SLC35F4: variants seen among roughly 807,000 people sequenced by gnomAD.
SLC35F4 encodes solute carrier family 35 member F4, also known as chromosome 14 open reading frame 36.
SLC35F4 carries 24 observed loss-of-function variants against 44.2 expected under a neutral mutation model. The observed-to-expected ratio is 0.54, with a 90% confidence interval of 0.39 to 0.76. The LOEUF (loss-of-function observed/expected upper bound fraction) is 0.76. SLC35F4 is among the 30% of genes least tolerant of loss of function. SLC35F4 has a pLI of 0.00. For synonymous variants in SLC35F4, 238 were observed against 223.6 expected (o/e 1.06, Z -0.57); for missense variants, 562 against 586.1 (o/e 0.96, Z 0.42).
At chr14:57,866,704 G>A (rs1315452238), upstream of SLC35F4, among the ~76,000 whole-genome samples, 1 of 152,096 alleles carries the variant, frequency 6.6e-6, no homozygotes, top group Non-Finnish European at 1.5e-5. Context: ...GAGGAGAAAT[G>A]ATTTTCTCCT....
At position 57,741,388 on chromosome 14, in the gene SLC35F4, AC is replaced by A. The variant is rs1411250258; in HGVS notation, c.103+124334del. ...AACTAGAATAAACAGCCTAGAGAAG[AC>A]CTTAAATGACCTGATGGAGCTGAAA... On this transcript the variant is annotated intron_variant, in intron 1 of 7. Coordinates refer to ENST00000556826, the MANE Select transcript of SLC35F4 (RefSeq NM_001306087.2). Among the ~76,000 whole-genome samples the A allele has an allele frequency of 1.8e-4, 27 of 152,146 alleles. 1 individual carries two copies. Among genetic ancestry groups the A allele is most frequent in the Admixed American group, 1.8e-3 (27 of 15,266 alleles).
chr14:57,853,093 G>T, intron 1 of SLC35F4, among the ~76,000 whole-genome samples: 1 of 152,130 alleles, frequency 6.6e-6, no homozygotes, highest in East Asian at 1.9e-4. Context: ...CTGTTGTATT[G>T]CCCTATCTGA....
intron 1 of SLC35F4, among the ~76,000 whole-genome samples, chr14:57,946,116 C>G (rs746974197): frequency 1.5e-4 from 23 of 152,114 alleles, no homozygotes; most frequent in Non-Finnish European, 2.5e-4. Context: ...TGTACAGAAG[C>G]TTTTTAGTTT....
At chr14:57,717,418 C>T (rs1340141640) in intron 1 of SLC35F4, among the ~76,000 whole-genome samples, 3 of 152,096 alleles carry the variant, frequency 2.0e-5, no homozygotes, top group African/African-American at 7.2e-5. Context: ...AGGCGGATCA[C>T]GAGGTCAGGA....
intron 6 of SLC35F4, among the ~76,000 whole-genome samples, chr14:57,568,027 G>T (rs2139674999): frequency 6.6e-6 from 1 of 152,330 alleles, no homozygotes; most frequent in East Asian, 1.9e-4. Flanking sequence ...GAGAGGGACG[G>T]CAATAAACAC....
intron 1 of SLC35F4, among the ~76,000 whole-genome samples, chr14:57,652,100 C>G (rs977984658): frequency 6.6e-6 from 1 of 152,182 alleles, no homozygotes; most frequent in African/African-American, 2.4e-5. Flanking sequence ...GAGTCTCAGC[C>G]TGTAACATGA....
At chr14:57,858,257 A>G (rs1340342149) in intron 1 of SLC35F4, among the ~76,000 whole-genome samples, 1 of 152,050 alleles carries the variant, frequency 6.6e-6, no homozygotes, top group Admixed American at 6.5e-5. Flanking sequence ...ACTATTCACA[A>G]TAGCAAAGAC....
intron 1 of SLC35F4, among the ~76,000 whole-genome samples, chr14:57,806,072 C>T (rs1881282347): frequency 6.6e-6 from 1 of 152,180 alleles, no homozygotes; most frequent in African/African-American, 2.4e-5. Context: ...CTGGAAATTA[C>T]ATTTCCTAAA....
Position 57,919,549 on chromosome 14 carries a change from G to A in SLC35F4, n.282+62364C>T, listed in dbSNP as rs917190015. Among the ~76,000 whole-genome samples the A allele has an allele frequency of 5.3e-5, 8 of 152,262 alleles. No homozygotes were observed. In the South Asian group the frequency reaches 1.5e-3, roughly 28 times the overall value. The stretch of plus-strand genomic sequence containing the variant: ...GGAAAGCGGGGAAGAAAAAGCAGCT[G>A]TATTCTTCCACAGGCGAATCTGAGG... On this transcript the variant is annotated intron_variant and non_coding_transcript_variant, in intron 1 of 1. Transcript: ENST00000556568.
At chr14:57,694,986 C>T (rs888009858) in intron 1 of SLC35F4, among the ~76,000 whole-genome samples, 2 of 152,002 alleles carry the variant, frequency 1.3e-5, no homozygotes, top group South Asian at 2.1e-4. Context: ...ATTATTTATA[C>T]ATCCCTTCTT....
intron 4 of SLC35F4, among the ~76,000 whole-genome samples, chr14:57,575,660 G>A (rs753585422): frequency 5.3e-5 from 8 of 152,242 alleles, no homozygotes; most frequent in Non-Finnish European, 1.2e-4. Flanking sequence ...AGTCATTGAA[G>A]GAAGAGGATT....
chr14:57,844,156 C>G (rs1388268079), intron 1 of SLC35F4, among the ~76,000 whole-genome samples: 1 of 152,162 alleles, frequency 6.6e-6, no homozygotes, highest in Non-Finnish European at 1.5e-5. Flanking sequence ...ACCTACTGAT[C>G]TTATTAATGA....
chr14:57,726,551 C>T (rs754086771), intron 1 of SLC35F4, among the ~76,000 whole-genome samples: 8 of 152,150 alleles, frequency 5.3e-5, no homozygotes, highest in Non-Finnish European at 1.2e-4. Flanking sequence ...TTCATATCAG[C>T]ATTTAAGTAT....
intron 1 of SLC35F4, among the ~76,000 whole-genome samples, chr14:57,883,420 G>A (rs553615173): frequency 6.6e-6 from 1 of 152,254 alleles, no homozygotes; most frequent in South Asian, 2.1e-4. Flanking sequence ...TCACGCAAAC[G>A]AAGTTAACAT....
At chr14:57,804,651 C>A (rs188494406) in intron 1 of SLC35F4, among the ~76,000 whole-genome samples, 6 of 152,082 alleles carry the variant, frequency 3.9e-5, no homozygotes, top group Admixed American at 3.3e-4. Context: ...ATGTAAAACC[C>A]AAAACTATAA....
At chr14:57,678,734 T>C (rs1019960368) in intron 1 of SLC35F4, among the ~76,000 whole-genome samples, 1 of 150,258 alleles carries the variant, frequency 6.7e-6, no homozygotes, top group African/African-American at 2.4e-5. Flanking sequence ...TCCTAGTCTC[T>C]GATAAAACAG....
intron 1 of SLC35F4, among the ~76,000 whole-genome samples, chr14:57,618,110 A>C (rs2071954635): frequency 6.6e-6 from 1 of 152,242 alleles, no homozygotes; most frequent in African/African-American, 2.4e-5. Flanking sequence ...AAGTGTTTCT[A>C]TCTGACATTT....
At chr14:57,804,564 C>T (rs2095399615) in intron 1 of SLC35F4, among the ~76,000 whole-genome samples, 1 of 152,120 alleles carries the variant, frequency 6.6e-6, no homozygotes, top group Non-Finnish European at 1.5e-5. Context: ...GCTGGCTGGC[C>T]ATATGCAGAA....
intron 1 of SLC35F4, among the ~76,000 whole-genome samples, chr14:57,755,892 A>G (rs1436166957): frequency 1.3e-5 from 2 of 152,206 alleles, no homozygotes; most frequent in Non-Finnish European, 1.5e-5. Context: ...CCAGCCTCGG[A>G]GGCCAGGCTA....
Sources: allele counts gnomAD v4.1 joint callset (sites outside exome capture counted in the v4.1 genomes callset), GRCh38; gene constraint gnomAD v4.1.1; transcripts MANE v1.5; gene names NCBI Gene and HGNC (gene_info 2026-07-23, HGNC 2026-07-21).